The following CCNI variants were observed in gnomAD, a reference collection of about 807,000 sequenced individuals.
CCNI encodes cyclin I.
Under a neutral mutation model 34.1 loss-of-function variants are expected in CCNI, and 14 were observed. The ratio of observed to expected loss-of-function variants is 0.41; its 90% confidence interval spans 0.27 to 0.64. The LOEUF (loss-of-function observed/expected upper bound fraction) is 0.64. CCNI is among the 30% of genes least tolerant of loss of function. CCNI has a pLI of 0.31. For missense variants in CCNI, 385 were observed against 440.5 expected, an observed-to-expected ratio of 0.87 and a Z score of 1.13; for synonymous variants, 154 against 158.4, an observed-to-expected ratio of 0.97 and a Z score of 0.21.
chr4:77,049,548 G>A (rs1435728326), intron 6 of CCNI, among the ~76,000 whole-genome samples: 1 of 152,058 alleles, frequency 6.6e-6, no homozygotes, highest in Non-Finnish European at 1.5e-5. Flanking sequence ...CATGGTGGCA[G>A]ATGCCTGTAA....
intron 6 of CCNI, 103 bp downstream of exon 6, chr4:77,055,047 T>C: frequency 1.4e-6 from 1 of 703,996 alleles, no homozygotes; most frequent in Non-Finnish European, 2.4e-6. Flanking sequence ...TTAAGAATGG[T>C]TTGCCATTAC....
intron 5 of CCNI, among the ~76,000 whole-genome samples, chr4:77,055,710 G>A (rs1024866203): frequency 1.2e-4 from 19 of 152,060 alleles, no homozygotes; most frequent in Non-Finnish European, 2.5e-4. Context: ...CAAGTGATCC[G>A]CCTGCCTCAG....
chr4:77,070,492 T>C (rs1729378024), intron 1 of CCNI, among the ~76,000 whole-genome samples: 1 of 151,004 alleles, frequency 6.6e-6, no homozygotes, highest in Non-Finnish European at 1.5e-5. Context: ...TTTTTTTTTT[T>C]TGACACATCC....
Position 77,058,602 on chromosome 4 carries a change from G to GAATT in CCNI, c.144_147dup (p.Gln50AsnfsTer22). 3.1e-6 allele frequency: 5 copies of GAATT among 1,613,482 alleles called. No homozygotes were observed. The highest frequency in any genetic ancestry group is 4.2e-6 in the Non-Finnish European group (5 of 1,179,482). ...TGGTACTTGAGTTTGGCCAGCCATT[G>GAATT]AATTACTTCATCTCTCTGGGATGGA... On this transcript the variant is annotated frameshift_variant, in exon 3 of 7. Transcript: ENST00000237654. LOFTEE classifies it high-confidence loss of function.
intron 2 of CCNI, chr4:77,064,666 TA>T (rs1728893986): frequency 2.7e-5 from 4 of 150,722 alleles, no homozygotes; most frequent in Admixed American, 2.6e-4. Context: ...AGGATCGAAT[TA>T]TAATTTTTTT....
intron 1 of CCNI, among the ~76,000 whole-genome samples, chr4:77,072,097 G>T (rs1729509236): frequency 6.6e-6 from 1 of 151,892 alleles, no homozygotes; most frequent in Non-Finnish European, 1.5e-5. Context: ...GAATATAAAT[G>T]CAAAATTTCT....
At chr4:77,049,120 T>A (rs57991349) in intron 6 of CCNI, among the ~76,000 whole-genome samples, 2,394 of 151,312 alleles carry the variant, frequency 0.016, 56 homozygotes, top group African/African-American at 0.049. Flanking sequence ...AAAAAAAAAA[T>A]TTTTTTTAAT....
At chr4:77,071,897 T>C (rs569549899) in intron 1 of CCNI, among the ~76,000 whole-genome samples, 4 of 152,300 alleles carry the variant, frequency 2.6e-5, no homozygotes, top group African/African-American at 9.6e-5. Context: ...AAACAGTTAA[T>C]TTTTTTAAAG....
chr4:77,074,112 TCAAAA>T (rs1227851243), intron 1 of CCNI, among the ~76,000 whole-genome samples: 13 of 152,272 alleles, frequency 8.5e-5, no homozygotes, highest in South Asian at 2.1e-4. Context: ...TATTACACAA[TCAAAA>T]CAAAACACGG....
intron 2 of CCNI, chr4:77,065,159 T>C (rs992824876): frequency 6.6e-6 from 1 of 152,224 alleles, no homozygotes; most frequent in African/African-American, 2.4e-5. Context: ...TTTCTTTAGC[T>C]TGTGGGAAAG....
At position 77,050,502 on chromosome 4, in the gene CCNI, T is replaced by C. The variant is rs554956590; in HGVS notation, c.691-1840A>G. Reference sequence around the variant, plus strand: ...AAGGCTGATGTTAGTCATTGTATAATACAAATGCAAAGTAACTGAAACTGT... The same window carrying C: ...AAGGCTGATGTTAGTCATTGTATAACACAAATGCAAAGTAACTGAAACTGT... On this transcript the variant is annotated intron_variant, in intron 6 of 6. Transcript: ENST00000237654. 5.3e-5 allele frequency among the ~76,000 whole-genome samples: 8 copies of C among 152,272 alleles called. No homozygotes were observed. In the South Asian group the frequency reaches 8.3e-4, roughly 16 times the overall value.
rs1357191897 is a variant in CCNI at position 77,048,143 on chromosome 4, C to G, written c.*76G>C. ...TGTTAAGGTATATTTCCTTCTACAG[C>G]CTTTCCTGATTTTGCATGTTCTCAT... On this transcript the variant is annotated 3_prime_UTR_variant, in exon 7 of 7. Transcript: ENST00000237654. 2 of 1,119,076 alleles carry G rather than the reference C, an allele frequency of 1.8e-6. No homozygotes were observed. The highest frequency in any genetic ancestry group is 1.4e-5 in the South Asian group (1 of 69,772). 69.3% of individuals were successfully genotyped at this position (1,119,076 alleles called of 1,614,324 possible).
chr4:77,066,415 CA>C lies in CCNI; in HGVS notation c.-43-11del. On this transcript the variant is annotated splice_polypyrimidine_tract_variant and intron_variant, in intron 1 of 6. Coordinates refer to ENST00000237654, the MANE Select transcript of CCNI (RefSeq NM_006835.3). Reference sequence around the variant, plus strand: ...AGCTTGCTGTAGCTACCTACAGAATCAAGTAAGTTTTAAAATTAGTTATAGA... The same window carrying C: ...AGCTTGCTGTAGCTACCTACAGAATCAGTAAGTTTTAAAATTAGTTATAGA... 1 of 1,601,024 alleles carries C rather than the reference CA, an allele frequency of 6.2e-7. No individual in the cohort carries two copies.
intron 2 of CCNI, among the ~76,000 whole-genome samples, chr4:77,058,869 C>A (rs1486781972): frequency 1.3e-5 from 2 of 152,164 alleles, no homozygotes. Flanking sequence ...ACTATGTCAT[C>A]TCACCAAATA....
At chr4:77,050,722 C>A (rs1276038468) in intron 6 of CCNI, among the ~76,000 whole-genome samples, 1 of 151,898 alleles carries the variant, frequency 6.6e-6, no homozygotes, top group Non-Finnish European at 1.5e-5. Context: ...ATCAAGCTTA[C>A]ATTTAGGCTA....
intron 6 of CCNI, among the ~76,000 whole-genome samples, chr4:77,053,292 T>C (rs1727991480): frequency 6.6e-6 from 1 of 152,080 alleles, no homozygotes; most frequent in African/African-American, 2.4e-5. Context: ...AAAAAAAGCA[T>C]TGGTTCTTTT....
chr4:77,061,520 A>G (rs1728603121), intron 2 of CCNI, among the ~76,000 whole-genome samples: 1 of 152,166 alleles, frequency 6.6e-6, no homozygotes, highest in Non-Finnish European at 1.5e-5. Context: ...TTCTGTATAT[A>G]TATTATATTC....
chr4:77,062,698 G>A (rs1450462676), intron 2 of CCNI, among the ~76,000 whole-genome samples: 1 of 152,124 alleles, frequency 6.6e-6, no homozygotes, highest in Admixed American at 6.5e-5. Flanking sequence ...AAATTCTACT[G>A]AAAATCATCT....
chr4:77,075,245 T>C (rs571976733), intron 1 of CCNI: 1 of 151,888 alleles, frequency 6.6e-6, no homozygotes, highest in African/African-American at 2.4e-5. Context: ...AACACAGTAG[T>C]GCCGTTTTCA....
Sources: allele counts gnomAD v4.1 joint callset (sites outside exome capture counted in the v4.1 genomes callset), GRCh38; gene constraint gnomAD v4.1.1; transcripts MANE v1.5; gene names NCBI Gene and HGNC (gene_info 2026-07-23, HGNC 2026-07-21).